Variants in MAP3K20 observed in about 807,000 individuals in gnomAD.
MAP3K20 encodes mitogen-activated protein kinase kinase kinase 20, also known as HCCS-4.
In MAP3K20, 40 loss-of-function variants were observed where a neutral mutation model predicts 85.7. That is an observed-to-expected ratio of 0.47 (90% confidence interval 0.36 to 0.61). The LOEUF (loss-of-function observed/expected upper bound fraction) is 0.61, where lower values mean the gene tolerates loss of function less well. Ranked by LOEUF, MAP3K20 falls within the 20% of genes least tolerant of loss-of-function variation. MAP3K20 has a pLI of 0.00. For missense variants in MAP3K20, 817 were observed against 961.7 expected (o/e 0.85, Z 1.99); for synonymous variants, 325 against 327.7 (o/e 0.99, Z 0.09).
chr2:173,154,537 A>G (rs1424811163), intron 2 of MAP3K20, among the ~76,000 whole-genome samples: 1 of 152,000 alleles, frequency 6.6e-6, no homozygotes, highest in Non-Finnish European at 1.5e-5. Flanking sequence ...CAACTTCCCT[A>G]ATTTTAATAC....
chr2:173,263,669 TTA>T, intron 18 of MAP3K20, 74 bp from the exon 19 acceptor site: 1 of 1,419,642 alleles, frequency 7.0e-7, no homozygotes, highest in Non-Finnish European at 9.6e-7. Context: ...CTTTCCCATT[TTA>T]TATATGTGTG....
At chr2:173,100,944 G>A (rs1436395756) in intron 2 of MAP3K20, among the ~76,000 whole-genome samples, 1 of 152,124 alleles carries the variant, frequency 6.6e-6, no homozygotes, top group Non-Finnish European at 1.5e-5. Flanking sequence ...TCTGTTACTG[G>A]GAGCTTGTAA....
intron 14 of MAP3K20, among the ~76,000 whole-genome samples, chr2:173,237,412 TGGA>T (rs1684679995): frequency 6.6e-6 from 1 of 152,138 alleles, no homozygotes; most frequent in Non-Finnish European, 1.5e-5. Flanking sequence ...AGCCCTCGTG[TGGA>T]GGAGTAGAGT....
intron 16 of MAP3K20, 139 bp downstream of exon 16, chr2:173,239,635 T>A (rs574853109): frequency 2.6e-6 from 2 of 775,098 alleles, no homozygotes; most frequent in Non-Finnish European, 3.9e-6. Context: ...TAAAATAGAA[T>A]TTAGCTGAAA....
chr2:173,131,494 T>A (rs1688616905), intron 2 of MAP3K20, among the ~76,000 whole-genome samples: 1 of 152,212 alleles, frequency 6.6e-6, no homozygotes, highest in Non-Finnish European at 1.5e-5. Flanking sequence ...ATACAAGTAG[T>A]TGTTTTTGAA....
chr2:173,239,321 AAAC>A, intron 15 of MAP3K20, 80 bp from the exon 16 acceptor site: 2 of 1,177,858 alleles, frequency 1.7e-6, no homozygotes, highest in Non-Finnish European at 2.3e-6. Flanking sequence ...AAAAAAAAAA[AAAC>A]TAGTGCCAAG....
chr2:173,217,488 A>C (rs1217411142), intron 11 of MAP3K20, among the ~76,000 whole-genome samples: 1 of 152,218 alleles, frequency 6.6e-6, no homozygotes, highest in Non-Finnish European at 1.5e-5. Context: ...TTCCTTAAGA[A>C]CTGTTATTCT....
At chr2:173,164,698 CCTT>C (rs1399357942) in intron 2 of MAP3K20, among the ~76,000 whole-genome samples, 3 of 152,112 alleles carry the variant, frequency 2.0e-5, no homozygotes, top group Non-Finnish European at 1.5e-5. Context: ...GGAAAAGAGT[CCTT>C]CTGAAGATGG....
chr2:173,118,138 A>G (rs1472895596), intron 2 of MAP3K20, among the ~76,000 whole-genome samples: 1 of 152,236 alleles, frequency 6.6e-6, no homozygotes, highest in African/African-American at 2.4e-5. Flanking sequence ...GTAGACCTTA[A>G]GATTAATTAC....
intron 11 of MAP3K20, chr2:173,226,842 T>C: frequency 1.0e-6 from 1 of 984,866 alleles, no homozygotes; most frequent in South Asian, 4.7e-5. Context: ...TTTGAATAGA[T>C]GGCATTATCA....
intron 8 of MAP3K20, among the ~76,000 whole-genome samples, chr2:173,201,466 A>G (rs1442182748): frequency 6.6e-6 from 1 of 152,198 alleles, no homozygotes. Context: ...TAACAAAACT[A>G]TTTGACTAAC....
chr2:173,181,312 C>G (rs963274777), intron 3 of MAP3K20, among the ~76,000 whole-genome samples: 1 of 151,558 alleles, frequency 6.6e-6, no homozygotes, highest in Non-Finnish European at 1.5e-5. Flanking sequence ...TGTTTGACAA[C>G]AGGAGTTTGA....
intron 16 of MAP3K20, among the ~76,000 whole-genome samples, chr2:173,244,781 A>C (rs958897806): frequency 6.6e-6 from 1 of 152,206 alleles, no homozygotes; most frequent in African/African-American, 2.4e-5. Context: ...CCCACACGAA[A>C]ACCTTGTTGC....
intron 9 of MAP3K20, among the ~76,000 whole-genome samples, chr2:173,206,134 C>G (rs1481338107): frequency 6.6e-6 from 1 of 152,148 alleles, no homozygotes; most frequent in Non-Finnish European, 1.5e-5. Context: ...ATTATTGCAG[C>G]TAGATCTCTA....
chr2:173,156,087 C>T (rs78049222), intron 2 of MAP3K20, among the ~76,000 whole-genome samples: 4,110 of 152,268 alleles, frequency 0.027, 185 homozygotes, highest in African/African-American at 0.093. Flanking sequence ...GTAAATTTAA[C>T]GGTTTGGAAC....
chr2:173,156,495 A>G (rs1404525608), intron 2 of MAP3K20, among the ~76,000 whole-genome samples: 4 of 152,168 alleles, frequency 2.6e-5, no homozygotes. Flanking sequence ...TGTGGAAGAC[A>G]GTTTTTCCAC....
intron 10 of MAP3K20, chr2:173,210,939 A>C (rs975663564): frequency 2.0e-5 from 3 of 152,236 alleles, no homozygotes; most frequent in Admixed American, 2.0e-4. Flanking sequence ...CTAGTGAGGT[A>C]AATGAATTTT....
intron 2 of MAP3K20, among the ~76,000 whole-genome samples, chr2:173,141,664 C>T (rs147346161): frequency 6.6e-6 from 1 of 152,182 alleles, no homozygotes; most frequent in East Asian, 1.9e-4. Context: ...GAAATGATGA[C>T]TTCAAGTGCC....
intron 2 of MAP3K20, among the ~76,000 whole-genome samples, chr2:173,105,803 G>A (rs1489150908): frequency 1.3e-5 from 2 of 152,124 alleles, no homozygotes; most frequent in African/African-American, 4.8e-5. Flanking sequence ...ATTTTTGTTT[G>A]GGATGATGGA....
Sources: allele counts gnomAD v4.1 joint callset (sites outside exome capture counted in the v4.1 genomes callset), GRCh38; gene constraint gnomAD v4.1.1; transcripts MANE v1.5; gene names NCBI Gene and HGNC (gene_info 2026-07-23, HGNC 2026-07-21).